The following DPP6 variants were observed in gnomAD, a reference collection of about 807,000 sequenced individuals.
DPP6 encodes the protein A-type potassium channel modulatory protein DPP6.
Under a neutral mutation model 122.6 loss-of-function variants are expected in DPP6, and 69 were observed. That is an observed-to-expected ratio of 0.56 (90% CI 0.46 to 0.69). DPP6 has a LOEUF of 0.69. Ranked by LOEUF, DPP6 falls within the 30% of genes least tolerant of loss-of-function variation. The probability of loss-of-function intolerance (pLI) is 0.00; values close to 1 mark genes in which losing one functional copy is unlikely to be tolerated. For synonymous variants in DPP6, 418 were observed against 433.1 expected, an observed-to-expected ratio of 0.97 and a Z score of 0.43; for missense variants, 928 against 1,116.9, an observed-to-expected ratio of 0.83 and a Z score of 2.41.
At chr7:153,749,856 A>AT in the DPP6 span, among the ~76,000 whole-genome samples, 1 of 152,162 alleles carries the variant, frequency 6.6e-6, no homozygotes, top group Non-Finnish European at 1.5e-5. This position sits in a 1 kb window ranked among gnomAD's most constrained non-coding sequence, Gnocchi z 4.1. Flanking sequence ...ATATTTATAT[A>AT]TTTTTTTAAA....
chr7:154,795,933 C>G, intron 12 of DPP6, 50 bp downstream of exon 12: 1 of 1,579,228 alleles, frequency 6.3e-7, no homozygotes, highest in Non-Finnish European at 8.6e-7. Context: ...CTGATCCACC[C>G]CAGGGCTGGC....
chr7:154,729,257 C>A (rs1190884641), intron 8 of DPP6, among the ~76,000 whole-genome samples: 1 of 152,100 alleles, frequency 6.6e-6, no homozygotes, highest in Non-Finnish European at 1.5e-5. Context: ...ACTCACCCTG[C>A]TAGGCTGGGT....
intron 7 of DPP6, among the ~76,000 whole-genome samples, chr7:154,699,931 C>T (rs1202531285): frequency 6.6e-6 from 1 of 152,172 alleles, no homozygotes; most frequent in African/African-American, 2.4e-5. Flanking sequence ...AGCCTGGGTC[C>T]AAACCCTGGC....
chr7:154,555,459 A>C (rs571362011), intron 4 of DPP6, among the ~76,000 whole-genome samples: 68 of 151,854 alleles, frequency 4.5e-4, no homozygotes, highest in African/African-American at 1.6e-3. Context: ...CACACCGGCG[A>C]CTGTTGTGGG....
At chr7:154,069,596 GTTAT>G (rs923546093) in intron 1 of DPP6, among the ~76,000 whole-genome samples, 1 of 151,588 alleles carries the variant, frequency 6.6e-6, no homozygotes, top group African/African-American at 2.4e-5. Flanking sequence ...TGGACCATTG[GTTAT>G]TTATCTTCTT....
chr7:154,290,513 A>G (rs978936079), intron 1 of DPP6, among the ~76,000 whole-genome samples: 3 of 151,846 alleles, frequency 2.0e-5, no homozygotes, highest in Non-Finnish European at 4.4e-5. Flanking sequence ...ATGCACATTC[A>G]TGAAAATTCC....
intron 1 of DPP6, among the ~76,000 whole-genome samples, chr7:154,088,304 G>A (rs1399992867): frequency 4.7e-5 from 7 of 147,972 alleles, no homozygotes; most frequent in Middle Eastern, 3.6e-3. Context: ...GGCCCATCAC[G>A]TGGCAACACC....
chr7:154,273,490 A>G (rs1803930190), intron 1 of DPP6, among the ~76,000 whole-genome samples: 1 of 152,154 alleles, frequency 6.6e-6, no homozygotes, highest in African/African-American at 2.4e-5. Context: ...AATTACCCAT[A>G]TATTGCGGTG....
intron 1 of DPP6, among the ~76,000 whole-genome samples, chr7:154,065,652 A>G (rs1213789431): frequency 1.3e-5 from 2 of 151,970 alleles, no homozygotes; most frequent in Non-Finnish European, 2.9e-5. Context: ...TATAATGGCA[A>G]AAGGCACAAA....
intron 1 of DPP6, among the ~76,000 whole-genome samples, chr7:154,388,124 G>T (rs939120352): frequency 6.6e-6 from 1 of 151,856 alleles, no homozygotes; most frequent in Non-Finnish European, 1.5e-5. Context: ...CAACATGACG[G>T]AACCCCATCT....
the DPP6 span, among the ~76,000 whole-genome samples, chr7:153,829,041 G>A: frequency 1.1e-4 from 16 of 152,302 alleles, no homozygotes; most frequent in African/African-American, 3.8e-4. Flanking sequence ...TCATGGTTGT[G>A]CATTTGTCTT....
intron 1 of DPP6, among the ~76,000 whole-genome samples, chr7:154,111,363 T>C (rs1319990312): frequency 6.6e-6 from 1 of 152,126 alleles, no homozygotes; most frequent in South Asian, 2.1e-4. Flanking sequence ...AACGTGGGGA[T>C]AATAATGGTG....
chr7:154,555,186 T>C (rs1431712466), intron 4 of DPP6, among the ~76,000 whole-genome samples: 1 of 151,958 alleles, frequency 6.6e-6, no homozygotes, highest in African/African-American at 2.4e-5. Flanking sequence ...AACTAGAAAA[T>C]AGAAGAAAAA....
In DPP6 at chr7:154,251,224, A is replaced by G. The variant is rs190246501; in HGVS notation, c.244-194990A>G. Among the ~76,000 whole-genome samples, 157 of 152,324 alleles carry G rather than the reference A, an allele frequency of 1.0e-3. 1 individual carries two copies. Among genetic ancestry groups the G allele is most frequent in the African/African-American group, 3.8e-3 (156 of 41,570 alleles). Reference sequence around the variant, plus strand: ...AGGTGTACTGTATCTGCCCAAATTAACATTAGGATGTTTCACGGGAGCTAC... The same window carrying G: ...AGGTGTACTGTATCTGCCCAAATTAGCATTAGGATGTTTCACGGGAGCTAC... On this transcript the variant is annotated intron_variant, in intron 1 of 25. Coordinates refer to ENST00000377770, the MANE Select transcript of DPP6 (RefSeq NM_130797.4).
the DPP6 span, among the ~76,000 whole-genome samples, chr7:153,802,946 C>T: frequency 6.6e-6 from 1 of 152,004 alleles, no homozygotes; most frequent in African/African-American, 2.4e-5. Context: ...TGCTTCCTTC[C>T]TCGACCCTCT....
chr7:154,180,374 A>AAT (rs1798011652), intron 1 of DPP6, among the ~76,000 whole-genome samples: 2 of 145,872 alleles, frequency 1.4e-5, no homozygotes, highest in Non-Finnish European at 3.0e-5. Flanking sequence ...TCTCTCTCAA[A>AAT]ATATATATAT....
At chr7:153,763,934 A>T in the DPP6 span, among the ~76,000 whole-genome samples, 8 of 152,216 alleles carry the variant, frequency 5.3e-5, no homozygotes, top group African/African-American at 1.9e-4. Flanking sequence ...AGCATTAGAC[A>T]TGATCTCCAC....
the DPP6 span, among the ~76,000 whole-genome samples, chr7:153,777,150 A>G: frequency 6.6e-6 from 1 of 152,228 alleles, no homozygotes; most frequent in Non-Finnish European, 1.5e-5. Flanking sequence ...ATCATTAGTC[A>G]TTATGGAAAT....
chr7:154,824,260 TG>T (rs1799991791), intron 16 of DPP6, among the ~76,000 whole-genome samples: 4 of 53,790 alleles, frequency 7.4e-5, no homozygotes, highest in East Asian at 4.6e-4. Flanking sequence ...TTGTTGTTGT[TG>T]TTGTTGTTTT....
Sources: gnomAD v4.1 joint callset for allele counts (sites outside exome capture counted in the v4.1 genomes callset) on GRCh38, gnomAD v4.1.1 for gene constraint, Gnocchi (gnomAD v3.1) non-coding constraint, MANE v1.5 for transcripts, NCBI Gene and HGNC (gene_info 2026-07-23, HGNC 2026-07-21) for gene names.